Variants in PRPF39 observed in about 807,000 individuals in gnomAD.
PRPF39 encodes pre-mRNA-processing factor 39.
In PRPF39, 27 loss-of-function variants were observed where a neutral mutation model predicts 82.1. The observed-to-expected ratio is 0.33, with a 90% CI of 0.24 to 0.45. The LOEUF (loss-of-function observed/expected upper bound fraction) is 0.45, where lower values mean the gene tolerates loss of function less well. PRPF39 is among the 20% of genes least tolerant of loss of function. The pLI is 1.00. For missense variants in PRPF39, 581 were observed against 796.9 expected (o/e 0.73, Z 3.26); for synonymous variants, 261 against 256.4 (o/e 1.02, Z -0.17).
At chr14:45,087,481 G>T (rs1019010968) in intron 1 of PRPF39, among the ~76,000 whole-genome samples, 3 of 152,032 alleles carry the variant, frequency 2.0e-5, no homozygotes, top group African/African-American at 7.2e-5. Context: ...TTATACCGAG[G>T]TATGTTTGAA....
chr14:45,115,421 G>A lies in PRPF39; in HGVS notation c.*508G>A, dbSNP rs147705875. Reference sequence around the variant, plus strand: ...TACATTATTAAAATACTTTGCCTTGGAATAGATTATAAATGAGAAAATGGA... The same window carrying A: ...TACATTATTAAAATACTTTGCCTTGAAATAGATTATAAATGAGAAAATGGA... On this transcript the variant is annotated 3_prime_UTR_variant, in exon 14 of 14. Coordinates refer to ENST00000355765, the MANE Select transcript of PRPF39 (RefSeq NM_017922.4). The A allele has an allele frequency of 6.5e-3, 982 of 152,228 alleles. 7 individuals are homozygous for A. The highest frequency in any genetic ancestry group is 0.014 in the Middle Eastern group (4 of 292). 9.4% of individuals were successfully genotyped at this position (152,228 alleles called of 1,614,324 possible). A position where few individuals can be genotyped will look rare whatever the true frequency, so the allele number is the denominator to read the frequency against.
intron 1 of PRPF39, among the ~76,000 whole-genome samples, chr14:45,087,033 A>G (rs549268643): frequency 6.6e-6 from 1 of 152,250 alleles, no homozygotes; most frequent in South Asian, 2.1e-4. Flanking sequence ...GCATTTGAAA[A>G]CATTGATCCA....
At chr14:45,113,970 C>G (rs968837916) in intron 11 of PRPF39, among the ~76,000 whole-genome samples, 1 of 152,012 alleles carries the variant, frequency 6.6e-6, no homozygotes, top group Non-Finnish European at 1.5e-5. Context: ...GCAGACAAAT[C>G]GGAGATTCAA....
intron 6 of PRPF39, among the ~76,000 whole-genome samples, 183 bp downstream of exon 6, chr14:45,107,799 C>T (rs1249867626): frequency 6.6e-6 from 1 of 152,066 alleles, no homozygotes; most frequent in Non-Finnish European, 1.5e-5. Context: ...TGTGGTGGCA[C>T]ATGACTGTAG....
At chr14:45,104,303 C>T (rs899599393) in intron 5 of PRPF39, among the ~76,000 whole-genome samples, 1 of 152,110 alleles carries the variant, frequency 6.6e-6, no homozygotes, top group Admixed American at 6.5e-5. Flanking sequence ...TGATATTTTT[C>T]ACTTAATGCA....
intron 5 of PRPF39, among the ~76,000 whole-genome samples, chr14:45,104,292 C>G (rs1054527870): frequency 5.3e-5 from 8 of 152,116 alleles, no homozygotes; most frequent in Non-Finnish European, 1.2e-4. Context: ...GATCTATAAT[C>G]TGATATTTTT....
intron 5 of PRPF39, among the ~76,000 whole-genome samples, chr14:45,104,041 A>G (rs1762035269): frequency 6.6e-6 from 1 of 152,186 alleles, no homozygotes; most frequent in South Asian, 2.1e-4. Context: ...GGGGAGACAC[A>G]GGGAGATTAG....
rs753945432 is a variant in PRPF39 at position 45,112,492 on chromosome 14, G to A, written c.1747G>A (p.Asp583Asn). Residue 583 changes from aspartate to asparagine, a missense_variant, in exon 11 of 14, where the codon GAT becomes AAT. Coordinates refer to ENST00000355765, the MANE Select transcript of PRPF39 (RefSeq NM_017922.4). The stretch of plus-strand genomic sequence containing the variant: ...GGAATTTCTTGAAGATTTTGGTTCC[G>A]ATGTTAATAAGTAAGATATTAGTTA... ...KVEFLEDFGS[D>N]VNKLLNAYDE... The A allele has an allele frequency of 2.8e-5, 43 of 1,509,108 alleles. No homozygotes were observed. The highest frequency in any genetic ancestry group is 3.3e-5 in the Non-Finnish European group (38 of 1,138,368). 93.5% of individuals were successfully genotyped at this position (1,509,108 alleles called of 1,614,324 possible). A position where few individuals can be genotyped will look rare whatever the true frequency, so the allele number is the denominator to read the frequency against.
intron 1 of PRPF39, among the ~76,000 whole-genome samples, chr14:45,091,830 TTGA>T (rs1390807931): frequency 6.6e-6 from 1 of 152,250 alleles, no homozygotes; most frequent in Non-Finnish European, 1.5e-5. Flanking sequence ...TCATGCACTG[TTGA>T]TGACTTAATT....
At position 45,087,330 on chromosome 14, in the gene PRPF39, A is replaced by G. The variant is rs573906866; in HGVS notation, c.-20+3081A>G. 4.6e-5 allele frequency among the ~76,000 whole-genome samples: 7 copies of G among 152,088 alleles called. No homozygotes were observed. In the East Asian group the frequency reaches 1.4e-3, roughly 29 times the overall value. ...GCCCAGACTGGTCTCGAACTCCTGG[A>G]CTCAAGCAGTCCTCTCACCTCGACT... On this transcript the variant is annotated intron_variant, in intron 1 of 13. Transcript: ENST00000355765.
chr14:45,109,216 ACAG>A (rs1884629655), intron 7 of PRPF39, among the ~76,000 whole-genome samples: 1 of 152,240 alleles, frequency 6.6e-6, no homozygotes, highest in Non-Finnish European at 1.5e-5. Flanking sequence ...TGTAGTCATC[ACAG>A]CAATCAAGAT....
Position 45,114,681 on chromosome 14 carries a change from T to A in PRPF39, c.1953+67T>A, listed in dbSNP as rs749556011. On this transcript the variant is annotated intron_variant, in intron 13 of 13. Coordinates refer to ENST00000355765, the MANE Select transcript of PRPF39 (RefSeq NM_017922.4). ...TAGCATAAATTAGGATAGTTTCTTTTTTTTTAAAAAAAGTTTTTGTTCCAA... is the reference window on the plus strand; with the variant it reads ...TAGCATAAATTAGGATAGTTTCTTTATTTTTAAAAAAAGTTTTTGTTCCAA... 3.2e-6 allele frequency: 5 copies of A among 1,544,296 alleles called. No individual in the cohort carries two copies. In the South Asian group the frequency reaches 6.2e-5, roughly 19 times the overall value.
intron 6 of PRPF39, among the ~76,000 whole-genome samples, chr14:45,107,858 G>T (rs1347298177): frequency 6.6e-6 from 1 of 152,074 alleles, no homozygotes; most frequent in Non-Finnish European, 1.5e-5. Flanking sequence ...GAACCTGGAA[G>T]GCGGAGGTTG....
At chr14:45,103,825 G>A (rs1025752056) in intron 5 of PRPF39, among the ~76,000 whole-genome samples, 2 of 152,080 alleles carry the variant, frequency 1.3e-5, no homozygotes, top group Non-Finnish European at 2.9e-5. Flanking sequence ...CAAAGAGGGT[G>A]TCTTTTCATA....
chr14:45,106,070 C>T (rs749066070), intron 5 of PRPF39, among the ~76,000 whole-genome samples: 4 of 151,822 alleles, frequency 2.6e-5, no homozygotes, highest in Admixed American at 6.6e-5. Context: ...CTGAGGGTGG[C>T]GGGGCACGGT....
intron 11 of PRPF39, among the ~76,000 whole-genome samples, chr14:45,113,827 G>A (rs568486667): frequency 2.6e-5 from 4 of 152,280 alleles, no homozygotes; most frequent in Non-Finnish European, 4.4e-5. Context: ...TAGTGGAAGC[G>A]TGATCTTGAC....
chr14:45,105,174 AAAAC>A (rs1884488555), intron 5 of PRPF39, among the ~76,000 whole-genome samples: 1 of 152,212 alleles, frequency 6.6e-6, no homozygotes, highest in South Asian at 2.1e-4. Flanking sequence ...TATAATACAA[AAAAC>A]TGCTGAAAAA....
chr14:45,099,643 A>T (rs1884311573), intron 4 of PRPF39, among the ~76,000 whole-genome samples: 1 of 151,940 alleles, frequency 6.6e-6, no homozygotes, highest in Non-Finnish European at 1.5e-5. Flanking sequence ...ACAGGGTTTC[A>T]CCGTGTTAGC....
intron 1 of PRPF39, among the ~76,000 whole-genome samples, chr14:45,092,600 CAAA>C (rs775755309): frequency 7.8e-5 from 4 of 51,484 alleles, no homozygotes; most frequent in Non-Finnish European, 1.3e-4. Context: ...GACTCTGTCT[CAAA>C]AAAAAAAAAA....
Sources: gnomAD v4.1 joint callset for allele counts (sites outside exome capture counted in the v4.1 genomes callset) on GRCh38, gnomAD v4.1.1 for gene constraint, MANE v1.5 for transcripts, NCBI Gene and HGNC (gene_info 2026-07-23, HGNC 2026-07-21) for gene names.